Variants in ELOVL2 observed in about 807,000 individuals in gnomAD.
ELOVL2 encodes very long chain fatty acid elongase 2.
Under a neutral mutation model 37.7 loss-of-function variants are expected in ELOVL2, and 38 were observed. That is an observed-to-expected ratio of 1.01 (90% CI 0.78 to 1.32). The LOEUF is 1.32. ELOVL2 is among the 40% of genes most tolerant of loss of function. ELOVL2 has a pLI of 0.00. For missense variants in ELOVL2, 352 were observed against 363.6 expected, an observed-to-expected ratio of 0.97 and a Z score of 0.26; for synonymous variants, 115 against 122.3, an observed-to-expected ratio of 0.94 and a Z score of 0.40.
rs574864611 is a variant in ELOVL2, at chr6:10,989,846, G to A, written c.631-9C>T. 6.2e-5 allele frequency: 100 copies of A among 1,613,972 alleles called. 1 individual carries two copies. In the Middle Eastern group the frequency reaches 1.3e-3, roughly 21 times the overall value. On this transcript the variant is annotated splice_polypyrimidine_tract_variant and intron_variant, in intron 6 of 7. Transcript: ENST00000354666. ...GTGAGCACGAACTGCACCTGGGGAC[G>A]GCAGAGAGGGCATCTCTGTGAGCGA...
intron 2 of ELOVL2, among the ~76,000 whole-genome samples, chr6:11,008,050 A>AC (rs1226149162): frequency 6.6e-6 from 1 of 152,114 alleles, no homozygotes; most frequent in African/African-American, 2.4e-5. Context: ...TCAGAACAAT[A>AC]CCCCTTGATG....
chr6:10,980,822 A>C lies in ELOVL2; in HGVS notation c.*2959T>G, dbSNP rs1561708592. The stretch of plus-strand genomic sequence containing the variant: ...ATAATGCTTTTTATCTACAAAGAGA[A>C]ATGGCTTCTGCAGCCTCCCTGTCTA... On this transcript the variant is annotated 3_prime_UTR_variant, in exon 8 of 8. Coordinates refer to ENST00000354666, the MANE Select transcript of ELOVL2 (RefSeq NM_017770.4). The C allele has an allele frequency of 6.6e-6, 1 of 152,638 alleles. No individual in the cohort carries two copies. Among genetic ancestry groups the C allele is most frequent in the Non-Finnish European group, 1.5e-5 (1 of 68,046 alleles). The allele number at this position is 152,638 out of a possible 1,614,324, so 9.5% of individuals were successfully genotyped here. A position where few individuals can be genotyped will look rare whatever the true frequency, so the allele number is the denominator to read the frequency against.
chr6:11,024,343 T>A (rs1167315090), intron 1 of ELOVL2, among the ~76,000 whole-genome samples: 1 of 152,246 alleles, frequency 6.6e-6, no homozygotes, highest in Admixed American at 6.5e-5. Context: ...TGAACACTTT[T>A]ATGAAATACT....
At chr6:10,989,063 G>A (rs565035848) in intron 7 of ELOVL2, among the ~76,000 whole-genome samples, 1 of 152,226 alleles carries the variant, frequency 6.6e-6, no homozygotes, top group South Asian at 2.1e-4. Flanking sequence ...TACTATACAC[G>A]TTTTTAACTT....
At chr6:11,021,762 T>TA (rs1233734202) in intron 1 of ELOVL2, among the ~76,000 whole-genome samples, 1 of 152,202 alleles carries the variant, frequency 6.6e-6, no homozygotes, top group African/African-American at 2.4e-5. Context: ...TCTAGTGTGT[T>TA]ATAGGGCTTG....
chr6:11,000,262 T>C, intron 3 of ELOVL2, 98 bp from the exon 4 acceptor site: 1 of 1,127,112 alleles, frequency 8.9e-7, no homozygotes, highest in Non-Finnish European at 1.3e-6. Context: ...CTGTTCAAGG[T>C]TTGAGTAGGA....
At chr6:11,039,739 T>C (rs186374692) in intron 1 of ELOVL2, among the ~76,000 whole-genome samples, 1 of 152,370 alleles carries the variant, frequency 6.6e-6, no homozygotes, top group Non-Finnish European at 1.5e-5. Context: ...CTAGCTTATT[T>C]TTCTCCTTTA....
chr6:11,002,458 C>T (rs1323675158), intron 3 of ELOVL2, among the ~76,000 whole-genome samples: 2 of 152,142 alleles, frequency 1.3e-5, no homozygotes, highest in Admixed American at 6.5e-5. Flanking sequence ...ATTAAACATA[C>T]CCCCAGAGTG....
At chr6:11,008,092 G>A (rs939233322) in intron 2 of ELOVL2, among the ~76,000 whole-genome samples, 1 of 152,008 alleles carries the variant, frequency 6.6e-6, no homozygotes, top group South Asian at 2.1e-4. Flanking sequence ...AATCAGAAGA[G>A]GCTAGGAGAC....
chr6:10,992,138 T>G (rs1581859719), intron 5 of ELOVL2, among the ~76,000 whole-genome samples: 1 of 152,212 alleles, frequency 6.6e-6, no homozygotes, highest in East Asian at 1.9e-4. Flanking sequence ...AATGGATGTC[T>G]ACCCGTCTAG....
chr6:11,013,208 A>C (rs1782613121), intron 1 of ELOVL2, among the ~76,000 whole-genome samples: 1 of 152,250 alleles, frequency 6.6e-6, no homozygotes, highest in Non-Finnish European at 1.5e-5. Context: ...AAACCTGATA[A>C]AAATTCTCTC....
intron 1 of ELOVL2, among the ~76,000 whole-genome samples, chr6:11,017,804 T>A (rs1324550079): frequency 6.6e-6 from 1 of 152,208 alleles, no homozygotes; most frequent in East Asian, 1.9e-4. Flanking sequence ...TTAATTTGTG[T>A]ATTGGCTGGG....
intron 1 of ELOVL2, among the ~76,000 whole-genome samples, chr6:11,019,314 C>T (rs1782730630): frequency 1.3e-5 from 2 of 152,062 alleles, no homozygotes; most frequent in South Asian, 4.1e-4. Context: ...CATTTTTTCC[C>T]TCCAGGTTTA....
At chr6:11,024,688 AAAGT>A (rs1452394411) in intron 1 of ELOVL2, among the ~76,000 whole-genome samples, 3 of 152,210 alleles carry the variant, frequency 2.0e-5, no homozygotes, top group Non-Finnish European at 4.4e-5. Context: ...ATTCATACAA[AAAGT>A]AAGAACTGGC....
chr6:10,993,436 T>A (rs1466193568), intron 5 of ELOVL2, among the ~76,000 whole-genome samples: 1 of 152,214 alleles, frequency 6.6e-6, no homozygotes, highest in Non-Finnish European at 1.5e-5. Flanking sequence ...CATTATCCAA[T>A]TAACATAACC....
rs796858066 is a variant in ELOVL2, at chr6:10,985,823, C to T, written c.766-1917G>A. On this transcript the variant is annotated intron_variant, in intron 7 of 7. Transcript: ENST00000354666. ...TTCTTTTGGCTTAGGATTGACTTGG[C>T]GATGCAGGCTCTTTTTTGGTGCCAT... Among the ~76,000 whole-genome samples, 31 of 152,006 alleles carry T rather than the reference C, an allele frequency of 2.0e-4. 1 individual carries two copies. The highest frequency in any genetic ancestry group is 6.2e-4 in the South Asian group (3 of 4,806).
intron 5 of ELOVL2, among the ~76,000 whole-genome samples, chr6:10,991,853 C>G (rs1429843703): frequency 6.6e-6 from 1 of 152,204 alleles, no homozygotes; most frequent in Non-Finnish European, 1.5e-5. Context: ...TGTGGAAATA[C>G]AGCACCTTCC....
Position 10,983,638 on chromosome 6 carries a change from A to C in ELOVL2, c.*143T>G. ...GTTAACAGATTAACCTAATAGCAAT[A>C]TATTAATACATTCTGGGTACAAATG... On this transcript the variant is annotated 3_prime_UTR_variant, in exon 8 of 8. Coordinates refer to ENST00000354666, the MANE Select transcript of ELOVL2 (RefSeq NM_017770.4). 3.3e-6 allele frequency: 3 copies of C among 895,848 alleles called. No individual in the cohort carries two copies. The highest frequency in any genetic ancestry group is 4.9e-6 in the Non-Finnish European group (3 of 612,608). The allele number at this position is 895,848 out of a possible 1,614,324, so 55.5% of individuals were successfully genotyped here.
At chr6:11,013,744 G>T (rs1782623055) in intron 1 of ELOVL2, among the ~76,000 whole-genome samples, 1 of 151,868 alleles carries the variant, frequency 6.6e-6, no homozygotes, top group Non-Finnish European at 1.5e-5. Flanking sequence ...TTTCAAGATG[G>T]TTAGAATTGG....
Sources: allele counts gnomAD v4.1 joint callset (sites outside exome capture counted in the v4.1 genomes callset), GRCh38; gene constraint gnomAD v4.1.1; transcripts MANE v1.5; gene names NCBI Gene and HGNC (gene_info 2026-07-23, HGNC 2026-07-21).